The following CSMD1 variants were observed in gnomAD, a reference collection of about 807,000 sequenced individuals.
The protein encoded by CSMD1 is CUB and Sushi multiple domains 1.
In CSMD1, 213 loss-of-function variants were observed where a neutral mutation model predicts 417.5. The ratio of observed to expected loss-of-function variants is 0.51; its 90% CI spans 0.46 to 0.57. The LOEUF (loss-of-function observed/expected upper bound fraction) is 0.57. CSMD1 is among the 20% of genes least tolerant of loss of function. The pLI is 0.00. For missense variants in CSMD1, 6,923 were observed against 4,529.7 expected, an observed-to-expected ratio of 1.53 and a Z score of -15.17; for synonymous variants, 2,862 against 1,736.8, an observed-to-expected ratio of 1.65 and a Z score of -16.11.
chr8:3,041,154 T>C (rs1359922552), intron 50 of CSMD1, among the ~76,000 whole-genome samples: 1 of 152,206 alleles, frequency 6.6e-6, no homozygotes, highest in Admixed American at 6.5e-5. Flanking sequence ...GAAATTGATG[T>C]CATTCAACAT....
intron 3 of CSMD1, among the ~76,000 whole-genome samples, chr8:4,233,830 AATT>A (rs1801885020): frequency 2.0e-5 from 3 of 152,158 alleles, no homozygotes; most frequent in South Asian, 2.1e-4. Context: ...TGAGTTGGTT[AATT>A]ATTATTTGGC....
chr8:4,411,207 C>A (rs537437526), intron 3 of CSMD1, among the ~76,000 whole-genome samples: 1 of 152,066 alleles, frequency 6.6e-6, no homozygotes, highest in South Asian at 2.1e-4. Flanking sequence ...AACTAGGAAA[C>A]CCATCAAGTA....
At chr8:4,528,380 A>C (rs1460246776) in intron 2 of CSMD1, among the ~76,000 whole-genome samples, 2 of 152,166 alleles carry the variant, frequency 1.3e-5, no homozygotes. Flanking sequence ...CAAGACTCTC[A>C]ATCATGCCAG....
At chr8:3,975,394 G>C (rs142103366) in intron 5 of CSMD1, among the ~76,000 whole-genome samples, 9 of 152,228 alleles carry the variant, frequency 5.9e-5, no homozygotes, top group Non-Finnish European at 7.4e-5. Context: ...GCTACAGTGA[G>C]CATTATTTTT....
rs189214413 is a variant in CSMD1 at position 3,268,574 on chromosome 8, C to G, written c.4153+15570G>C. On this transcript the variant is annotated intron_variant, in intron 26 of 69. Coordinates refer to ENST00000635120, the MANE Select transcript of CSMD1 (RefSeq NM_033225.6). Reference sequence around the variant, plus strand: ...GTGCTGGGATTACAGGCGTGAGCCACCGTGCCAGGCCCAGATGGTTCATTT... The same window carrying G: ...GTGCTGGGATTACAGGCGTGAGCCAGCGTGCCAGGCCCAGATGGTTCATTT... Among the ~76,000 whole-genome samples the G allele has an allele frequency of 1.8e-4, 27 of 152,158 alleles. No homozygotes were observed. The East Asian group carries it at 4.5e-3, about 25-fold the overall frequency.
chr8:4,296,764 C>A (rs927636166), intron 3 of CSMD1, among the ~76,000 whole-genome samples: 1 of 109,030 alleles, frequency 9.2e-6, no homozygotes, highest in Non-Finnish European at 1.7e-5. Flanking sequence ...ATAATGATTT[C>A]TAAATAATAG....
chr8:4,358,069 T>C (rs1268429472), intron 3 of CSMD1, among the ~76,000 whole-genome samples: 2 of 152,200 alleles, frequency 1.3e-5, no homozygotes, highest in South Asian at 4.1e-4. Flanking sequence ...TATACTTACG[T>C]ATATATGTAT....
rs1367079054 is a variant in CSMD1, at chr8:3,206,397, GT to G, written c.4868-778del. Among the ~76,000 whole-genome samples, 90 of 132,310 alleles carry G rather than the reference GT, an allele frequency of 6.8e-4. 1 individual carries two copies. Among genetic ancestry groups the G allele is most frequent in the African/African-American group, 2.5e-3 (86 of 34,504 alleles). The allele number at this position is 132,310 out of a possible 152,430, so 86.8% of individuals were successfully genotyped here. ...TATGTCTGTGTGTGTGTATGTGTGT[GT>G]GGGGGGTTATGTCTGTGTGTGTATG... On this transcript the variant is annotated intron_variant, in intron 30 of 69. Transcript: ENST00000635120.
At chr8:3,222,282 G>A (rs558500993) in intron 28 of CSMD1, among the ~76,000 whole-genome samples, 1 of 151,880 alleles carries the variant, frequency 6.6e-6, no homozygotes, top group Non-Finnish European at 1.5e-5. Context: ...TTTATGGGAG[G>A]GAGGAAACTC....
Position 4,985,068 on chromosome 8 carries a change from G to T in CSMD1, c.85+9264C>A, listed in dbSNP as rs150225703. On this transcript the variant is annotated intron_variant, in intron 1 of 69. Transcript: ENST00000635120. ...AAGATCATGTCCTTTGCAGGGACGT[G>T]GGTGGAGCTGGAGGCCATTATCCTT... 6.3e-3 allele frequency among the ~76,000 whole-genome samples: 960 copies of T among 152,256 alleles called. 21 individuals carry two copies. The highest frequency in any genetic ancestry group is 0.054 in the East Asian group (281 of 5,158).
intron 8 of CSMD1, among the ~76,000 whole-genome samples, chr8:3,603,204 C>G (rs1338372065): frequency 1.3e-5 from 2 of 152,160 alleles, no homozygotes; most frequent in African/African-American, 4.8e-5. Context: ...TTTGAAAGAG[C>G]AGTAATCATC....
intron 49 of CSMD1, among the ~76,000 whole-genome samples, chr8:3,065,490 G>C (rs757539873): frequency 2.1e-4 from 32 of 151,986 alleles, no homozygotes; most frequent in Non-Finnish European, 3.8e-4. Flanking sequence ...TAGGAAGATA[G>C]ATATATATAA....
chr8:3,814,557 G>A (rs534878247), intron 5 of CSMD1, among the ~76,000 whole-genome samples: 1 of 152,162 alleles, frequency 6.6e-6, no homozygotes, highest in Non-Finnish European at 1.5e-5. Context: ...TGTGATATCA[G>A]GGTGGATACC....
At chr8:4,160,567 C>G (rs1383719620) in intron 3 of CSMD1, among the ~76,000 whole-genome samples, 1 of 152,208 alleles carries the variant, frequency 6.6e-6, no homozygotes, top group Admixed American at 6.5e-5. Context: ...ATCCACGTTT[C>G]TCATCTTGCA....
At chr8:4,441,006 A>G (rs1485155056) in intron 2 of CSMD1, among the ~76,000 whole-genome samples, 2 of 151,498 alleles carry the variant, frequency 1.3e-5, no homozygotes, top group Non-Finnish European at 2.9e-5. Context: ...CAAAAAAAAA[A>G]AATTAAAAAT....
chr8:4,478,079 G>GT (rs981175796), intron 2 of CSMD1, among the ~76,000 whole-genome samples: 8 of 152,090 alleles, frequency 5.3e-5, no homozygotes, highest in Admixed American at 4.6e-4. Flanking sequence ...ATTTTAACCT[G>GT]TTTTTTTATG....
rs1797791026 is a variant in CSMD1 at position 3,214,686 on chromosome 8, G to T, written c.4678C>A (p.Pro1560Thr). ...SGFAIEFKEK[P>T]REACFDPGNI... ...CCTGGGTCAAAACAAGCTTCCCGTG[G>T]TTTCTCTGTGGAAGAAATGAATGTA... The change falls in exon 30 of 70, where the codon CCA (proline) becomes ACA (threonine). Residue 1560 changes from proline to threonine, a missense_variant. Coordinates refer to ENST00000635120, the MANE Select transcript of CSMD1 (RefSeq NM_033225.6). The T allele has an allele frequency of 6.5e-7, 1 of 1,549,594 alleles. No homozygotes were observed. The highest frequency in any genetic ancestry group is 1.4e-5 in the African/African-American group (1 of 73,112).
intron 3 of CSMD1, among the ~76,000 whole-genome samples, chr8:4,138,724 A>G (rs1803592154): frequency 6.6e-6 from 1 of 152,222 alleles, no homozygotes; most frequent in African/African-American, 2.4e-5. Flanking sequence ...TTAAGTGCCA[A>G]TTTAACTAGA....
chr8:3,872,179 A>C (rs565939278), intron 5 of CSMD1, among the ~76,000 whole-genome samples: 2 of 152,158 alleles, frequency 1.3e-5, no homozygotes, highest in Admixed American at 1.3e-4. Flanking sequence ...CAGTTAAATT[A>C]CAGTGTTTAA....
Sources: allele counts gnomAD v4.1 joint callset (sites outside exome capture counted in the v4.1 genomes callset), GRCh38; gene constraint gnomAD v4.1.1; transcripts MANE v1.5; gene names NCBI Gene and HGNC (gene_info 2026-07-23, HGNC 2026-07-21).